LILRB1: variants seen among roughly 807,000 people sequenced by gnomAD.
LILRB1 encodes leukocyte immunoglobulin-like receptor subfamily B member 1.
A neutral mutation model predicts 74.6 loss-of-function variants in LILRB1; 59 were observed. That is an observed-to-expected ratio of 0.79 (90% CI 0.64 to 0.98). The LOEUF (loss-of-function observed/expected upper bound fraction) is 0.98. Ranked by LOEUF, LILRB1 falls within the 50% of genes least tolerant of loss-of-function variation. The pLI is 0.00. For missense variants in LILRB1, 804 were observed against 822.6 expected (o/e 0.98, Z 0.28); for synonymous variants, 328 against 333.9 (o/e 0.98, Z 0.19).
chr19:54,630,576 C>A lies in LILRB1; in HGVS notation c.-106C>A, dbSNP rs1270341522. 4.3e-6 allele frequency: 3 copies of A among 696,338 alleles called. No individual in the cohort carries two copies. The highest frequency in any genetic ancestry group is 7.1e-6 in the Non-Finnish European group (3 of 419,924). 43.1% of individuals were successfully genotyped at this position (696,338 alleles called of 1,614,324 possible). On this transcript the variant is annotated 5_prime_UTR_variant, in exon 1 of 15. Transcript: ENST00000324602. ...GTCTCTGCTGATCTGAGTCTGCCTGCAGCATGGACCTGGGTCTTCCCTGAA... is the reference window on the plus strand; with the variant it reads ...GTCTCTGCTGATCTGAGTCTGCCTGAAGCATGGACCTGGGTCTTCCCTGAA...
intron 1 of LILRB1, among the ~76,000 whole-genome samples, chr19:54,624,882 G>A (rs534744826): frequency 1.1e-4 from 16 of 151,240 alleles, no homozygotes; most frequent in Middle Eastern, 3.4e-3. Context: ...AGGGCTGGGG[G>A]CTGCAGCTGA....
At chr19:54,628,541 CAG>C, upstream of LILRB1, among the ~76,000 whole-genome samples, 2 of 152,244 alleles carry the variant, frequency 1.3e-5, no homozygotes, top group Middle Eastern at 6.8e-3. Flanking sequence ...TCACAGAACT[CAG>C]AGAGACACTG....
chr19:54,627,798 CAGA>C (rs1175559699), upstream of LILRB1, among the ~76,000 whole-genome samples: 4 of 152,338 alleles, frequency 2.6e-5, no homozygotes, highest in African/African-American at 7.2e-5. Context: ...ATCATCCTCA[CAGA>C]AGAAGACTTC....
intron 7 of LILRB1, 42 bp from the exon 8 acceptor site, chr19:54,633,596 G>C: frequency 1.3e-6 from 2 of 1,589,856 alleles, no homozygotes; most frequent in South Asian, 2.3e-5. Flanking sequence ...GAGACTTCAG[G>C]AAAGCCCCAG....
At chr19:54,621,286 T>C (rs112336536) in intron 1 of LILRB1, among the ~76,000 whole-genome samples, 23 of 152,346 alleles carry the variant, frequency 1.5e-4, no homozygotes, top group African/African-American at 5.3e-4. Context: ...TTATTTTCCA[T>C]AGAAGATAAA....
Position 54,631,958 on chromosome 19 carries a change from T to TCAGCC in LILRB1, c.394_398dup (p.Val134AlafsTer4), listed in dbSNP as rs1165216703. The TCAGCC allele has an allele frequency of 6.2e-7, 1 of 1,613,228 alleles. No individual in the cohort carries two copies. The highest frequency in any genetic ancestry group is 8.5e-7 in the Non-Finnish European group (1 of 1,179,322). On this transcript the variant is annotated frameshift_variant, in exon 5 of 15. Transcript: ENST00000324602. LOFTEE classifies it high-confidence loss of function. ...AGGAGCCTACATCAAACCCACCCTC[T>TCAGCC]CAGCCCAGCCCAGCCCCGTGGTGAA...
At position 54,633,976 on chromosome 19, in the gene LILRB1, C is replaced by G; in HGVS notation, c.1318C>G (p.Pro440Ala). The G allele has an allele frequency of 4.4e-6, 7 of 1,596,070 alleles. No individual in the cohort carries two copies. The highest frequency in any genetic ancestry group is 6.0e-6 in the Non-Finnish European group (7 of 1,171,358). ...ACCTCCCCGTCCTGACCCAGCAGGC[C>G]CTGAGGACCAGCCCCTCACCCCCAC... The part of the protein sequence containing the change: ...TTGPTSTSAG[P>A]EDQPLTPTGS... The change falls in exon 9 of 15, where the codon CCT (proline) becomes GCT (alanine). Residue 440 changes from proline to alanine, a missense_variant. Pro to Ala is a conservative substitution (Grantham distance 27). Coordinates refer to ENST00000324602, the MANE Select transcript of LILRB1 (RefSeq NM_001081637.3).
At position 54,637,197 on chromosome 19, in the gene LILRB1, GA is replaced by G. The variant is rs369381484; in HGVS notation, c.*326del. ...AGCCACGAATGAATGAATTAGGAAA[GA>G]AAAAAAGTAGGAAATGAATGATCTT... On this transcript the variant is annotated 3_prime_UTR_variant, in exon 15 of 15. Coordinates refer to ENST00000324602, the MANE Select transcript of LILRB1 (RefSeq NM_001081637.3). 125 of 317,296 alleles carry G rather than the reference GA, an allele frequency of 3.9e-4. No individual in the cohort carries two copies. The East Asian group carries it at 6.5e-3, about 17-fold the overall frequency. The allele number at this position is 317,296 out of a possible 1,614,324, so 19.7% of individuals were successfully genotyped here.
intron 1 of LILRB1, among the ~76,000 whole-genome samples, chr19:54,624,254 G>T (rs376629604): frequency 4.6e-5 from 7 of 152,222 alleles, no homozygotes; most frequent in Admixed American, 1.3e-4. Context: ...GTCTCTGCGG[G>T]GGGTGAAGGA....
At position 54,631,091 on chromosome 19, in the gene LILRB1, G is replaced by A. The variant is rs368151169; in HGVS notation, c.18G>A (p.Thr6=). 9.1e-5 allele frequency: 147 copies of A among 1,613,992 alleles called. No homozygotes were observed. In the East Asian group the frequency reaches 1.3e-3, roughly 14 times the overall value. MTPIL[T]VLICLGLSLG... The stretch of plus-strand genomic sequence containing the variant: ...GAGACGCCATGACCCCCATCCTCAC[G>A]GTCCTGATCTGTCTCGGTGAGATTT... The change falls in exon 2 of 15, where the codon ACG becomes ACA. Residue 6 remains threonine (T), a synonymous_variant. Coordinates refer to ENST00000324602, the MANE Select transcript of LILRB1 (RefSeq NM_001081637.3).
chr19:54,618,260 A>T (rs1356885285), intron 1 of LILRB1, among the ~76,000 whole-genome samples: 1 of 152,174 alleles, frequency 6.6e-6, no homozygotes, highest in Non-Finnish European at 1.5e-5. Flanking sequence ...TTTCACTACT[A>T]AAAATATACA....
At position 54,633,156 on chromosome 19, in the gene LILRB1, T is replaced by A. The variant is rs201608570; in HGVS notation, c.1099T>A (p.Trp367Arg). ...CAAGGAGGGGGCAGCTGATGACCCATGGCGTCTAAGATCAACGTACCAATC... is the reference window on the plus strand; with the variant it reads ...CAAGGAGGGGGCAGCTGATGACCCAAGGCGTCTAAGATCAACGTACCAATC... ...LTKEGAADDP[W>R]RLRSTYQSQK... Residue 367 changes from tryptophan to arginine, a missense_variant, in exon 7 of 15, where the codon TGG becomes AGG. Coordinates refer to ENST00000324602, the MANE Select transcript of LILRB1 (RefSeq NM_001081637.3). 172 of 265,300 alleles carry A rather than the reference T, an allele frequency of 6.5e-4. No homozygotes were observed. The Middle Eastern group carries it at 0.012, about 18-fold the overall frequency. 16.4% of individuals were successfully genotyped at this position (265,300 alleles called of 1,614,324 possible). A position where few individuals can be genotyped will look rare whatever the true frequency, so the allele number is the denominator to read the frequency against.
intron 1 of LILRB1, among the ~76,000 whole-genome samples, chr19:54,619,081 C>A (rs898836050): frequency 2.6e-5 from 4 of 151,688 alleles, no homozygotes; most frequent in Non-Finnish European, 4.4e-5. Flanking sequence ...TAATTCAAAG[C>A]TTTTTTAAAA....
chr19:54,632,329 T>G, intron 5 of LILRB1, 92 bp downstream of exon 5: 1 of 1,557,266 alleles, frequency 6.4e-7, no homozygotes, highest in Non-Finnish European at 8.7e-7. Flanking sequence ...TGGGATGATG[T>G]TGGGGCGAGA....
upstream of LILRB1, among the ~76,000 whole-genome samples, chr19:54,630,141 T>C (rs1449335406): frequency 8.1e-6 from 1 of 124,154 alleles, no homozygotes; most frequent in Admixed American, 8.0e-5. Flanking sequence ...AAAGGAAGAA[T>C]CTGAGGCTCA....
intron 2 of LILRB1, 42 bp downstream of exon 2, chr19:54,631,149 A>T (rs1460002062): frequency 1.2e-6 from 2 of 1,613,732 alleles, no homozygotes; most frequent in South Asian, 1.1e-5. Context: ...CCTAAGAGGG[A>T]CCTCACCCCA....
upstream of LILRB1, among the ~76,000 whole-genome samples, chr19:54,630,079 A>C (rs1219563377): frequency 6.6e-6 from 1 of 152,236 alleles, no homozygotes; most frequent in Non-Finnish European, 1.5e-5. Context: ...ATGTTCCAGC[A>C]CCACTGACCG....
rs753002642 is a variant in LILRB1 at position 54,636,721 on chromosome 19, C to T, written c.1813-11C>T. 5.0e-6 allele frequency: 8 copies of T among 1,610,924 alleles called. No individual in the cohort carries two copies. The highest frequency in any genetic ancestry group is 2.2e-5 in the South Asian group (2 of 90,882). On this transcript the variant is annotated splice_polypyrimidine_tract_variant and intron_variant, in intron 14 of 14. Transcript: ENST00000324602. ...ACCACGTTCCTTCCCTCTCACTCTC[C>T]CCCGCTGCAGGCTGCTGCATCTGAA...
intron 3 of LILRB1, 26 bp downstream of exon 3, chr19:54,631,332 G>T: frequency 6.2e-7 from 1 of 1,613,450 alleles, no homozygotes; most frequent in Middle Eastern, 1.8e-4. Context: ...GCTCTTCCAG[G>T]TCCCTCCTCC....
Sources: allele counts gnomAD v4.1 joint callset (sites outside exome capture counted in the v4.1 genomes callset), GRCh38; gene constraint gnomAD v4.1.1; transcripts MANE v1.5; gene names NCBI Gene and HGNC (gene_info 2026-07-23, HGNC 2026-07-21).